The following SBF2 variants were observed in gnomAD, a reference collection of about 807,000 sequenced individuals.
SBF2 encodes the protein SET binding factor 2, also known as myotubularin-related protein 13.
A neutral mutation model predicts 225.2 loss-of-function variants in SBF2; 112 were observed. That is an observed-to-expected ratio of 0.50 (90% confidence interval 0.43 to 0.58). SBF2 has a LOEUF of 0.58. Among genes scored for constraint, SBF2 ranks in the 20% least tolerant of loss-of-function variants. The probability of loss-of-function intolerance (pLI) is 0.00; values close to 1 mark genes in which losing one functional copy is unlikely to be tolerated. For missense variants in SBF2, 1,996 were observed against 2,206.2 expected, an observed-to-expected ratio of 0.90 and a Z score of 1.91; for synonymous variants, 763 against 773.3, an observed-to-expected ratio of 0.99 and a Z score of 0.22.
intron 2 of SBF2, among the ~76,000 whole-genome samples, chr11:10,059,871 A>G (rs908428246): frequency 6.6e-6 from 1 of 152,244 alleles, no homozygotes; most frequent in African/African-American, 2.4e-5. Context: ...TCTGGGACAC[A>G]GCTAAAGCAG....
chr11:10,028,032 C>T (rs982442067), intron 6 of SBF2, among the ~76,000 whole-genome samples: 6 of 152,146 alleles, frequency 3.9e-5, no homozygotes, highest in South Asian at 2.1e-4. Flanking sequence ...ACCTCAGCCT[C>T]CCTAGTAGCT....
At chr11:10,013,560 A>G (rs1948534217) in intron 6 of SBF2, among the ~76,000 whole-genome samples, 1 of 152,228 alleles carries the variant, frequency 6.6e-6, no homozygotes, top group African/African-American at 2.4e-5. Flanking sequence ...TTTGGGGGAA[A>G]GGATTTGCTA....
intron 16 of SBF2, among the ~76,000 whole-genome samples, chr11:9,912,318 G>A (rs1224465036): frequency 6.8e-6 from 1 of 147,718 alleles, no homozygotes; most frequent in Non-Finnish European, 1.5e-5. Context: ...TGGGTGCGGT[G>A]GCTCACGCCT....
intron 2 of SBF2, among the ~76,000 whole-genome samples, chr11:10,187,287 T>C (rs866854063): frequency 1.3e-5 from 2 of 151,538 alleles, no homozygotes; most frequent in Non-Finnish European, 2.9e-5. Flanking sequence ...CTCCTCTCTC[T>C]CTCTCTCTCC....
intron 17 of SBF2, among the ~76,000 whole-genome samples, chr11:9,868,633 A>G (rs1413356383): frequency 1.3e-5 from 2 of 152,210 alleles, no homozygotes; most frequent in African/African-American, 4.8e-5. Context: ...TCTACATATT[A>G]CCATTAGTTT....
At chr11:10,108,527 T>TC (rs1952667583) in intron 2 of SBF2, among the ~76,000 whole-genome samples, 2 of 139,180 alleles carry the variant, frequency 1.4e-5, no homozygotes, top group African/African-American at 5.4e-5. Context: ...TTTTTTTTTT[T>TC]TTTTTTTTTT....
chr11:10,134,558 G>C (rs1322795592), intron 2 of SBF2, among the ~76,000 whole-genome samples: 1 of 152,108 alleles, frequency 6.6e-6, no homozygotes, highest in African/African-American at 2.4e-5. Flanking sequence ...AGATACAATG[G>C]GGGTACAGGC....
chr11:10,294,005 A>G lies in SBF2; in HGVS notation c.55+10T>C. 7.2e-7 allele frequency: 1 copy of G among 1,387,888 alleles called. No homozygotes were observed. Among genetic ancestry groups the G allele is most frequent in the Non-Finnish European group, 9.4e-7 (1 of 1,064,924 alleles). The allele number at this position is 1,387,888 out of a possible 1,614,324, so 86.0% of individuals were successfully genotyped here. On this transcript the variant is annotated intron_variant, in intron 1 of 39. Transcript: ENST00000256190. ...GGAGGCCCGGGGGCGGTGCCGCCCCACACCCTTACCTGGCTTCTCGTGGTC... is the reference window on the plus strand; with the variant it reads ...GGAGGCCCGGGGGCGGTGCCGCCCCGCACCCTTACCTGGCTTCTCGTGGTC...
chr11:9,832,026 T>A (rs958239986), intron 27 of SBF2, among the ~76,000 whole-genome samples, 198 bp downstream of exon 27: 1 of 152,240 alleles, frequency 6.6e-6, no homozygotes, highest in South Asian at 2.1e-4. Context: ...CATATTAAGA[T>A]GTCAAATTCA....
intron 2 of SBF2, among the ~76,000 whole-genome samples, chr11:10,061,521 T>G (rs1259380838): frequency 6.6e-6 from 1 of 151,606 alleles, no homozygotes; most frequent in Non-Finnish European, 1.5e-5. Context: ...TATACGAAAA[T>G]CACTAGCATT....
chr11:9,999,313 GTATGTATGTATGTATGTATT>G (rs1325059217), intron 8 of SBF2, among the ~76,000 whole-genome samples: 8 of 112,044 alleles, frequency 7.1e-5, no homozygotes, highest in African/African-American at 2.6e-4. Context: ...ATGTATGTAT[GTATGTATGTATGTATGTATT>G]TATTTTTGAG....
intron 6 of SBF2, among the ~76,000 whole-genome samples, chr11:10,016,131 G>T (rs776971977): frequency 6.6e-6 from 1 of 151,980 alleles, no homozygotes; most frequent in African/African-American, 2.4e-5. Context: ...AAGGATAACC[G>T]ATTTACAAGT....
chr11:10,136,976 GT>G (rs1026952652), intron 2 of SBF2, among the ~76,000 whole-genome samples: 5 of 152,122 alleles, frequency 3.3e-5, no homozygotes, highest in Admixed American at 2.6e-4. Context: ...TAAGAATTGT[GT>G]TAAACCTGTG....
rs988655932 is a variant in SBF2, at chr11:10,132,512, C to T, written c.141+61390G>A. ...GCTCAGGAGTGAAGCTGCAGACCTT[C>T]GCGGTGAGTGTTACAGCTCTTAAGG... On this transcript the variant is annotated intron_variant, in intron 2 of 39. Transcript: ENST00000256190. 3.4e-5 allele frequency among the ~76,000 whole-genome samples: 5 copies of T among 147,786 alleles called. 1 individual carries two copies. The East Asian group carries it at 9.0e-4, about 26-fold the overall frequency.
intron 1 of SBF2, among the ~76,000 whole-genome samples, chr11:10,260,310 A>G (rs1440868250): frequency 6.6e-6 from 1 of 152,224 alleles, no homozygotes; most frequent in Non-Finnish European, 1.5e-5. Context: ...TCTGCAGAGC[A>G]CAATGCCACA....
intron 13 of SBF2, among the ~76,000 whole-genome samples, chr11:9,969,450 T>C (rs1867182277): frequency 6.6e-6 from 1 of 152,226 alleles, no homozygotes; most frequent in African/African-American, 2.4e-5. Flanking sequence ...CCAAAGTTCT[T>C]AAAACAACTT....
chr11:9,877,923 C>T (rs974341243), intron 17 of SBF2, among the ~76,000 whole-genome samples: 8 of 151,876 alleles, frequency 5.3e-5, no homozygotes, highest in Non-Finnish European at 1.0e-4. Context: ...GTAATGGGAT[C>T]ACTGGGTCAA....
At chr11:10,261,599 C>T (rs1262844252) in intron 1 of SBF2, among the ~76,000 whole-genome samples, 1 of 152,146 alleles carries the variant, frequency 6.6e-6, no homozygotes, top group African/African-American at 2.4e-5. Flanking sequence ...CATACACCCA[C>T]CTATAACCCA....
intron 2 of SBF2, among the ~76,000 whole-genome samples, chr11:10,043,349 GAAT>G (rs1478337123): frequency 1.3e-5 from 2 of 152,068 alleles, no homozygotes; most frequent in African/African-American, 2.4e-5. Flanking sequence ...AGGGAAAATA[GAAT>G]TATTTTTAAA....
Sources: gnomAD v4.1 joint callset for allele counts (sites outside exome capture counted in the v4.1 genomes callset) on GRCh38, gnomAD v4.1.1 for gene constraint, MANE v1.5 for transcripts, NCBI Gene and HGNC (gene_info 2026-07-23, HGNC 2026-07-21) for gene names.